Variants in CCDC92 observed in about 807,000 individuals in gnomAD.
The protein encoded by CCDC92 is coiled-coil domain containing 92.
A neutral mutation model predicts 24.9 loss-of-function variants in CCDC92; 12 were observed. The ratio of observed to expected loss-of-function variants is 0.48; its 90% CI spans 0.31 to 0.78. The LOEUF (loss-of-function observed/expected upper bound fraction) is 0.78. Ranked by LOEUF, CCDC92 falls within the 30% of genes least tolerant of loss-of-function variation. CCDC92 has a pLI of 0.05. For synonymous variants in CCDC92, 193 were observed against 196.3 expected (o/e 0.98, Z 0.14); for missense variants, 399 against 439.4 (o/e 0.91, Z 0.82).
In CCDC92 at chr12:123,937,520, G is replaced by A. The variant is rs1366770995; in HGVS notation, c.534C>T (p.Ala178=). Residue 178 remains alanine, a synonymous_variant, in exon 5 of 5, where the codon GCC becomes GCT. Coordinates refer to ENST00000238156, the MANE Select transcript of CCDC92 (RefSeq NM_025140.3). This position sits in a 1 kb window ranked among gnomAD's most constrained non-coding sequence, Gnocchi z 8.4. ...CCAGCACGGGGCTCCCTGACGGGCT[G>A]GCATCTGAGGTCCCGCTGGAGCTCA... ...KLMSSSGTSD[A]SPSGSPVLAS... 1 of 1,612,338 alleles carries A rather than the reference G, an allele frequency of 6.2e-7. No homozygotes were observed.
At position 123,944,351 on chromosome 12, in the gene CCDC92, A is replaced by G. The variant is rs746903794; in HGVS notation, c.-46T>C. ...CCAGAGTAATTCAAGACGCTTGTAC[A>G]GCACTGAAAAATACTGAGGATGAAA... On this transcript the variant is annotated 5_prime_UTR_variant, in exon 2 of 5. Transcript: ENST00000238156. 7.4e-6 allele frequency: 11 copies of G among 1,487,930 alleles called. No individual in the cohort carries two copies. The South Asian group carries it at 1.2e-4, about 16-fold the overall frequency. 92.2% of individuals were successfully genotyped at this position (1,487,930 alleles called of 1,614,324 possible). A position where few individuals can be genotyped will look rare whatever the true frequency, so the allele number is the denominator to read the frequency against.
At chr12:123,967,354 T>A (rs145231106) in intron 1 of CCDC92, among the ~76,000 whole-genome samples, 5 of 152,340 alleles carry the variant, frequency 3.3e-5, no homozygotes, top group Admixed American at 6.5e-5. Context: ...TTCTTATCTA[T>A]GGGAACACAA....
At chr12:123,947,199 G>A (rs1474714947) in intron 1 of CCDC92, among the ~76,000 whole-genome samples, 1 of 152,188 alleles carries the variant, frequency 6.6e-6, no homozygotes, top group Non-Finnish European at 1.5e-5. Flanking sequence ...CCTTCCCGCA[G>A]GGCAGGGCTC....
At chr12:123,954,313 A>G (rs190650897) in intron 1 of CCDC92, among the ~76,000 whole-genome samples, 4 of 152,360 alleles carry the variant, frequency 2.6e-5, no homozygotes, top group African/African-American at 9.6e-5. Context: ...CCCACCATGC[A>G]TTATACATTC....
In CCDC92 at chr12:123,944,082, TG is replaced by T; in HGVS notation, c.34+189del. 5.7e-6 allele frequency: 3 copies of T among 522,910 alleles called. 1 individual carries two copies. The South Asian group carries it at 8.8e-5, about 15-fold the overall frequency. The allele number at this position is 522,910 out of a possible 1,614,324, so 32.4% of individuals were successfully genotyped here. On this transcript the variant is annotated intron_variant, in intron 2 of 4. Coordinates refer to ENST00000238156, the MANE Select transcript of CCDC92 (RefSeq NM_025140.3). ...GCCAAAGTAGGAGGGAGAGATGGGC[TG>T]AATTCCAGAGGGAAGCCCCCTGCAC...
At chr12:123,971,061 C>CT (rs1208296506) in intron 1 of CCDC92, among the ~76,000 whole-genome samples, 1 of 152,064 alleles carries the variant, frequency 6.6e-6, no homozygotes, top group African/African-American at 2.4e-5. Context: ...CAAAAAAACC[C>CT]TATTTGTTAG....
At chr12:123,944,099 C>T in intron 2 of CCDC92, 173 bp downstream of exon 2, 1 of 544,872 alleles carries the variant, frequency 1.8e-6, no homozygotes, top group Non-Finnish European at 3.3e-6. Flanking sequence ...CAGAGGGAAG[C>T]CCCCTGCACT....
At chr12:123,946,004 C>CCTG (rs1955847247) in intron 1 of CCDC92, 1 of 179,300 alleles carries the variant, frequency 5.6e-6, no homozygotes, top group African/African-American at 2.4e-5. Context: ...ATTTCCAGTC[C>CCTG]ATGATGATCT....
intron 1 of CCDC92, 101 bp from the exon 2 acceptor site, chr12:123,944,465 A>T: frequency 3.1e-6 from 2 of 652,738 alleles, no homozygotes; most frequent in Non-Finnish European, 4.8e-6. Flanking sequence ...AACCCTCCGT[A>T]AAGGAGGTAC....
chr12:123,963,791 AG>A (rs1334229882), intron 1 of CCDC92, among the ~76,000 whole-genome samples: 1 of 152,182 alleles, frequency 6.6e-6, no homozygotes, highest in Non-Finnish European at 1.5e-5. Flanking sequence ...CAGTTTCCAC[AG>A]GAGTACTCTA....
At position 123,936,221 on chromosome 12, in the gene CCDC92, T is replaced by C. The variant is rs1032807593; in HGVS notation, c.*837A>G. 3.3e-5 allele frequency: 5 copies of C among 152,376 alleles called. No homozygotes were observed. The highest frequency in any genetic ancestry group is 7.3e-5 in the Non-Finnish European group (5 of 68,206). 9.4% of individuals were successfully genotyped at this position (152,376 alleles called of 1,614,324 possible). ...AGAGGGGCTAGCACGGGCAGCACAG[T>C]GGGCAGGGGCCATCAGAGGCAAAAG... On this transcript the variant is annotated 3_prime_UTR_variant, in exon 5 of 5. Coordinates refer to ENST00000238156, the MANE Select transcript of CCDC92 (RefSeq NM_025140.3).
rs1955559712 is a variant in CCDC92, at chr12:123,937,641, C to T, written c.413G>A (p.Ser138Asn). The change falls in exon 5 of 5, where the codon AGT becomes AAT. Residue 138 changes from serine (S) to asparagine (N), a missense_variant. Physicochemically the swap from Ser to Asn is conservative, Grantham distance 46 (BLOSUM62 1). Coordinates refer to ENST00000238156, the MANE Select transcript of CCDC92 (RefSeq NM_025140.3). The surrounding 1 kb of genome is among the most constrained non-coding windows in gnomAD (Gnocchi z 8.4). ...GCTAGACAGCAGGGTCAGCTTGTGA[C>T]TCTTGGCCTTCAGCTCCTCCAGGTA... ...KKYLEELKAK[S>N]HKLTLLSSEL... The T allele has an allele frequency of 5.0e-6, 8 of 1,614,012 alleles. No homozygotes were observed. Among genetic ancestry groups the T allele is most frequent in the Non-Finnish European group, 6.8e-6 (8 of 1,180,030 alleles).
chr12:123,937,715 G>C lies in CCDC92; in HGVS notation c.339C>G (p.Asn113Lys). Residue 113 changes from asparagine to lysine, a missense_variant, in exon 5 of 5, where the codon AAC becomes AAG. Asn to Lys is a moderately conservative substitution (Grantham distance 94). Coordinates refer to ENST00000238156, the MANE Select transcript of CCDC92 (RefSeq NM_025140.3). The surrounding 1 kb of genome is among the most constrained non-coding windows in gnomAD (Gnocchi z 8.4). The stretch of plus-strand genomic sequence containing the variant: ...TGTTCTCCAGCACTGTGATCATCGC[G>C]TTTTTCTGCTCCAGTTCTTTCAACA... Reference protein sequence around the residue: ...AELLKELEQKNAMITVLENTI... With the variant: ...AELLKELEQKKAMITVLENTI... The C allele has an allele frequency of 6.2e-7, 1 of 1,614,040 alleles. No individual in the cohort carries two copies. Among genetic ancestry groups the C allele is most frequent in the Non-Finnish European group, 8.5e-7 (1 of 1,180,030 alleles).
At chr12:123,939,803 G>A (rs1373546745) in intron 4 of CCDC92, among the ~76,000 whole-genome samples, 1 of 152,220 alleles carries the variant, frequency 6.6e-6, no homozygotes, top group East Asian at 1.9e-4. Flanking sequence ...TGTAGACACT[G>A]TAAGACCCAG....
chr12:123,959,551 C>T (rs945488212), intron 1 of CCDC92, among the ~76,000 whole-genome samples: 5 of 152,180 alleles, frequency 3.3e-5, no homozygotes, highest in Non-Finnish European at 1.5e-5. Flanking sequence ...CTGATCTGCC[C>T]GCCTTGGCCT....
At position 123,937,193 on chromosome 12, in the gene CCDC92, G is replaced by T; in HGVS notation, c.861C>A (p.Ala287=). 1 of 1,609,822 alleles carries T rather than the reference G, an allele frequency of 6.2e-7. No homozygotes were observed. The highest frequency in any genetic ancestry group is 1.1e-5 in the South Asian group (1 of 91,004). Reference sequence around the variant, plus strand: ...GGATCCGATGTGCCACCCCGACGTGGGCCTTGTGCGGCTTTTCGCGGGCCG... The same window carrying T: ...GGATCCGATGTGCCACCCCGACGTGTGCCTTGTGCGGCTTTTCGCGGGCCG... ...HSPAREKPHK[A]HVGVAHRIHH... is the part of the protein sequence containing the mutation. The change falls in exon 5 of 5, where the codon GCC becomes GCA. Residue 287 remains alanine (A), a synonymous_variant. Coordinates refer to ENST00000238156, the MANE Select transcript of CCDC92 (RefSeq NM_025140.3). The surrounding 1 kb of genome is among the most constrained non-coding windows in gnomAD (Gnocchi z 8.4).
rs1013187010 is a variant in CCDC92, at chr12:123,943,510, C to A, written c.35-17G>T. 6.2e-6 allele frequency: 10 copies of A among 1,613,654 alleles called. No homozygotes were observed. Among genetic ancestry groups the A allele is most frequent in the South Asian group, 4.4e-5 (4 of 91,082 alleles). ...CCAGAGGACCTGTGGGTAACACAGACCCTGGCTGCGGTGCCTGAAGAGGGT... is the reference window on the plus strand; with the variant it reads ...CCAGAGGACCTGTGGGTAACACAGAACCTGGCTGCGGTGCCTGAAGAGGGT... On this transcript the variant is annotated splice_polypyrimidine_tract_variant and intron_variant, in intron 2 of 4. Coordinates refer to ENST00000238156, the MANE Select transcript of CCDC92 (RefSeq NM_025140.3).
chr12:123,944,543 C>A (rs1201662371), intron 1 of CCDC92, 179 bp from the exon 2 acceptor site: 5 of 466,670 alleles, frequency 1.1e-5, no homozygotes, highest in Admixed American at 8.6e-5. Flanking sequence ...TTTGGAGACA[C>A]TGACACACCC....
chr12:123,965,241 G>T (rs1405267218), intron 1 of CCDC92, among the ~76,000 whole-genome samples: 1 of 152,190 alleles, frequency 6.6e-6, no homozygotes, highest in Non-Finnish European at 1.5e-5. Flanking sequence ...TGTGCATCGA[G>T]ATATAGTGAG....
Sources: allele counts gnomAD v4.1 joint callset (sites outside exome capture counted in the v4.1 genomes callset), GRCh38; gene constraint gnomAD v4.1.1; non-coding constraint Gnocchi (gnomAD v3.1); transcripts MANE v1.5; gene names NCBI Gene and HGNC (gene_info 2026-07-23, HGNC 2026-07-21).